Variants in SH3BGR observed in about 807,000 individuals in gnomAD.
SH3BGR encodes the protein SH3 domain-binding glutamic acid-rich protein.
SH3BGR carries 29 observed loss-of-function variants against 24.5 expected under a neutral mutation model. The ratio of observed to expected loss-of-function variants is 1.18; its 90% CI spans 0.88 to 1.61. The LOEUF is 1.61. Ranked by LOEUF, SH3BGR falls within the 40% of genes most tolerant of loss-of-function variation. SH3BGR has a pLI of 0.00. For synonymous variants in SH3BGR, 55 were observed against 65.7 expected (o/e 0.84, Z 0.79); for missense variants, 162 against 205.8 (o/e 0.79, Z 1.30).
chr21:39,466,927 A>AT (rs1018950805), intron 2 of SH3BGR, among the ~76,000 whole-genome samples: 1 of 151,900 alleles, frequency 6.6e-6, no homozygotes, highest in Non-Finnish European at 1.5e-5. Context: ...CAGAACTTAA[A>AT]TTTTTTTTGT....
chr21:39,502,717 G>T (rs1181737715), intron 4 of SH3BGR, among the ~76,000 whole-genome samples: 1 of 152,250 alleles, frequency 6.6e-6, no homozygotes, highest in Non-Finnish European at 1.5e-5. Flanking sequence ...CAGGGATTGG[G>T]TGCTGGTTGT....
intron 2 of SH3BGR, among the ~76,000 whole-genome samples, chr21:39,470,164 A>C (rs2077914399): frequency 6.6e-6 from 1 of 151,670 alleles, no homozygotes; most frequent in South Asian, 2.1e-4. Context: ...CCCTTTACTC[A>C]ATTCAAATAA....
chr21:39,484,160 G>T (rs918870434), intron 3 of SH3BGR, among the ~76,000 whole-genome samples: 3 of 152,228 alleles, frequency 2.0e-5, no homozygotes, highest in Non-Finnish European at 2.9e-5. Context: ...GAAAAGGTCA[G>T]TGTGGAGTGA....
Position 39,502,440 on chromosome 21 carries a change from G to A in SH3BGR, c.405+2525G>A, listed in dbSNP as rs191799487. Among the ~76,000 whole-genome samples the A allele has an allele frequency of 1.1e-4, 17 of 152,296 alleles. No individual in the cohort carries two copies. In the East Asian group the frequency reaches 3.1e-3, roughly 28 times the overall value. ...CTTTTTGCTCCTCTTGGCTTGCTGTGGTTAAAACAGAGGTGCTCCCCTGGG... is the reference window on the plus strand; with the variant it reads ...CTTTTTGCTCCTCTTGGCTTGCTGTAGTTAAAACAGAGGTGCTCCCCTGGG... On this transcript the variant is annotated intron_variant, in intron 4 of 6. Transcript: ENST00000333634.
upstream of SH3BGR, among the ~76,000 whole-genome samples, chr21:39,447,230 G>T (rs2077500099): frequency 6.6e-6 from 1 of 152,010 alleles, no homozygotes; most frequent in Non-Finnish European, 1.5e-5. Flanking sequence ...GTGGCCCCAT[G>T]ACAGTAACGA....
intron 4 of SH3BGR, among the ~76,000 whole-genome samples, chr21:39,508,414 G>A (rs2078620630): frequency 6.6e-6 from 1 of 152,224 alleles, no homozygotes; most frequent in Non-Finnish European, 1.5e-5. Context: ...GGCTTGCACA[G>A]TAGAGACCTA....
At chr21:39,509,220 A>G (rs1292047149) in intron 5 of SH3BGR, among the ~76,000 whole-genome samples, 193 bp downstream of exon 5, 3 of 152,118 alleles carry the variant, frequency 2.0e-5, no homozygotes, top group African/African-American at 7.2e-5. Flanking sequence ...GGAGGTGGAG[A>G]GAGAAACGGG....
At chr21:39,457,514 TATA>T in intron 1 of SH3BGR, among the ~76,000 whole-genome samples, 1 of 146,426 alleles carries the variant, frequency 6.8e-6, no homozygotes, top group Non-Finnish European at 1.5e-5. Context: ...TATTATATAT[TATA>T]TAGTTATATA....
At chr21:39,497,517 G>T (rs1245189948) in intron 3 of SH3BGR, among the ~76,000 whole-genome samples, 2 of 151,720 alleles carry the variant, frequency 1.3e-5, no homozygotes, top group Non-Finnish European at 2.9e-5. Context: ...CTGTAGACTG[G>T]AGGAAAACAT....
At chr21:39,496,229 G>A (rs528167585) in intron 3 of SH3BGR, among the ~76,000 whole-genome samples, 154 of 152,184 alleles carry the variant, frequency 1.0e-3, no homozygotes, top group African/African-American at 3.3e-3. Flanking sequence ...GGCCGGGCGC[G>A]GTGGCTCACG....
chr21:39,457,010 A>C (rs1020220083), intron 1 of SH3BGR, among the ~76,000 whole-genome samples: 1 of 149,612 alleles, frequency 6.7e-6, no homozygotes, highest in East Asian at 1.9e-4. Context: ...ATTTATATAA[A>C]ATTTTATAAT....
chr21:39,495,883 G>T (rs1269292124), intron 3 of SH3BGR, among the ~76,000 whole-genome samples: 2 of 152,088 alleles, frequency 1.3e-5, no homozygotes, highest in South Asian at 2.1e-4. Flanking sequence ...TTCATTACAT[G>T]AACTGATTAA....
At chr21:39,466,430 A>G (rs769339334) in intron 2 of SH3BGR, among the ~76,000 whole-genome samples, 17 of 152,214 alleles carry the variant, frequency 1.1e-4, no homozygotes, top group Non-Finnish European at 2.1e-4. Context: ...GGTTTGTAAG[A>G]GTCTTTGCAT....
chr21:39,468,923 A>G (rs374316549), intron 2 of SH3BGR, among the ~76,000 whole-genome samples: 92 of 151,390 alleles, frequency 6.1e-4, no homozygotes, highest in African/African-American at 2.1e-3. Context: ...AAATGTTTCA[A>G]TTTCCTTAAT....
At chr21:39,457,533 C>T (rs959013529) in intron 1 of SH3BGR, among the ~76,000 whole-genome samples, 1 of 144,798 alleles carries the variant, frequency 6.9e-6, no homozygotes, top group Non-Finnish European at 1.5e-5. Context: ...ATATATAAAT[C>T]TTATATATAA....
At chr21:39,458,406 T>C (rs1401970232) in intron 1 of SH3BGR, among the ~76,000 whole-genome samples, 3 of 152,158 alleles carry the variant, frequency 2.0e-5, no homozygotes, top group African/African-American at 7.2e-5. Context: ...TGGTGCAATA[T>C]TGGCTCACTG....
chr21:39,451,688 G>T (rs1402183818), upstream of SH3BGR: 17 of 564,136 alleles, frequency 3.0e-5, no homozygotes, highest in East Asian at 2.5e-4. Flanking sequence ...CACTTCTTTC[G>T]CCTCCTGCTG....
At chr21:39,471,209 A>AT (rs1469612072) in intron 2 of SH3BGR, among the ~76,000 whole-genome samples, 1 of 151,554 alleles carries the variant, frequency 6.6e-6, no homozygotes, top group Non-Finnish European at 1.5e-5. Context: ...GTTTAGAGTT[A>AT]TTTTTATTTA....
intron 1 of SH3BGR, chr21:39,446,214 A>G (rs1207860488): frequency 6.6e-6 from 1 of 150,924 alleles, no homozygotes; most frequent in East Asian, 1.9e-4. Context: ...AAAACAATGC[A>G]TGTTTGGCAT....
Sources: gnomAD v4.1 joint callset for allele counts (sites outside exome capture counted in the v4.1 genomes callset) on GRCh38, gnomAD v4.1.1 for gene constraint, MANE v1.5 for transcripts, NCBI Gene and HGNC (gene_info 2026-07-23, HGNC 2026-07-21) for gene names.